Variants in SYTL2 observed in about 807,000 individuals in gnomAD.
The protein encoded by SYTL2 is synaptotagmin-like protein 2.
In SYTL2, 165 loss-of-function variants were observed where a neutral mutation model predicts 198.7. That is an observed-to-expected ratio of 0.83 (90% CI 0.73 to 0.94). The LOEUF (loss-of-function observed/expected upper bound fraction) is 0.94. SYTL2 is among the 40% of genes least tolerant of loss of function. The pLI is 0.00. For missense variants in SYTL2, 2,835 were observed against 2,582.8 expected (o/e 1.10, Z -2.12); for synonymous variants, 966 against 917.7 (o/e 1.05, Z -0.95).
intron 4 of SYTL2, among the ~76,000 whole-genome samples, chr11:85,745,127 T>C (rs2091062018): frequency 6.6e-6 from 1 of 152,250 alleles, no homozygotes; most frequent in African/African-American, 2.4e-5. Flanking sequence ...TGTTCCTAGC[T>C]ATAGTTAAGA....
intron 2 of SYTL2, among the ~76,000 whole-genome samples, chr11:85,755,220 AG>A (rs2091791041): frequency 6.6e-6 from 1 of 152,082 alleles, no homozygotes; most frequent in South Asian, 2.1e-4. Context: ...TAAAGCAAAG[AG>A]GGGGTCAGGC....
chr11:85,703,892 G>A (rs889917122), intron 16 of SYTL2, among the ~76,000 whole-genome samples: 6 of 152,010 alleles, frequency 3.9e-5, no homozygotes, highest in African/African-American at 1.4e-4. Flanking sequence ...TTGAATTCAA[G>A]GGTGCATATT....
Position 85,726,962 on chromosome 11 carries a change from C to T in SYTL2, c.2396G>A (p.Trp799Ter), listed in dbSNP as rs2089272703. ...CTTAGCACCAGCTTTCTCTCCTTCCCAAAAGGATATTCTGTCACTCACTCT... is the reference window on the plus strand; with the variant it reads ...CTTAGCACCAGCTTTCTCTCCTTCCTAAAAGGATATTCTGTCACTCACTCT... ...YKRVSDRISF[W>*]EGEKAGAKIT... is the part of the protein sequence containing the mutation. Residue 799 changes from tryptophan to a stop codon, truncating the protein, a stop_gained, in exon 8 of 20, where the codon TGG (tryptophan) becomes TAG (stop). Transcript: ENST00000359152. LOFTEE classifies it high-confidence loss of function. 2 of 1,536,596 alleles carry T rather than the reference C, an allele frequency of 1.3e-6. No homozygotes were observed. The highest frequency in any genetic ancestry group is 1.7e-6 in the Non-Finnish European group (2 of 1,146,988).
intron 1 of SYTL2, among the ~76,000 whole-genome samples, chr11:85,779,866 G>C (rs556997824): frequency 6.6e-6 from 1 of 152,318 alleles, no homozygotes; most frequent in Admixed American, 6.5e-5. Context: ...TAGAAAACTG[G>C]TGTGTACTAG....
chr11:85,710,913 ATTTG>A (rs1054882380), intron 13 of SYTL2, among the ~76,000 whole-genome samples, 196 bp downstream of exon 13: 7 of 152,120 alleles, frequency 4.6e-5, no homozygotes, highest in African/African-American at 1.4e-4. Context: ...CCCCACAAAG[ATTTG>A]TTTATGATGG....
At chr11:85,790,407 T>G (rs1380485706) in intron 1 of SYTL2, among the ~76,000 whole-genome samples, 1 of 152,222 alleles carries the variant, frequency 6.6e-6, no homozygotes, top group East Asian at 1.9e-4. Context: ...AACAAGTCAC[T>G]TAACATTTCT....
chr11:85,766,101 G>T (rs1026492243), intron 1 of SYTL2, among the ~76,000 whole-genome samples: 1 of 152,120 alleles, frequency 6.6e-6, no homozygotes, highest in South Asian at 2.1e-4. Context: ...GGGCAAGAGC[G>T]CTGGACCCTG....
chr11:85,789,836 G>A (rs976978275), intron 1 of SYTL2, among the ~76,000 whole-genome samples: 4 of 151,992 alleles, frequency 2.6e-5, no homozygotes, highest in African/African-American at 9.7e-5. Context: ...TTAGAGAGAA[G>A]GCCAAAGTTA....
rs1012272428 is a variant in SYTL2, at chr11:85,698,135, C to T, written c.6269-57G>A. On this transcript the variant is annotated intron_variant, in intron 17 of 19. Coordinates refer to ENST00000359152, the MANE Select transcript of SYTL2 (RefSeq NM_206927.4). The stretch of plus-strand genomic sequence containing the variant: ...TGCCAGTTCTCCCTTGGCAATACTG[C>T]GTCCAAAGATGTCAGCCTAAAAATG... The T allele has an allele frequency of 1.7e-5, 20 of 1,177,116 alleles. 1 individual carries two copies. The highest frequency in any genetic ancestry group is 1.2e-4 in the South Asian group (10 of 80,802). 72.9% of individuals were successfully genotyped at this position (1,177,116 alleles called of 1,614,324 possible).
At chr11:85,789,150 G>A (rs1475112922) in intron 1 of SYTL2, among the ~76,000 whole-genome samples, 1 of 149,716 alleles carries the variant, frequency 6.7e-6, no homozygotes, top group Non-Finnish European at 1.5e-5. Flanking sequence ...TCACTCTGTT[G>A]CCCAGGCACA....
chr11:85,721,056 T>A, intron 8 of SYTL2, 97 bp from the exon 9 acceptor site: 1 of 708,588 alleles, frequency 1.4e-6, no homozygotes, highest in Non-Finnish European at 2.4e-6. Context: ...AAAAGAGACA[T>A]TATGCTATGA....
the SYTL2 span, chr11:85,853,806 C>T: frequency 2.7e-5 from 4 of 150,550 alleles, no homozygotes; most frequent in South Asian, 2.1e-4. Flanking sequence ...AAAAAAATCT[C>T]GTTAAGCTGT....
chr11:85,816,617 A>G, the SYTL2 span, among the ~76,000 whole-genome samples: 4 of 152,192 alleles, frequency 2.6e-5, no homozygotes, highest in African/African-American at 4.8e-5. Flanking sequence ...ACATTTATAA[A>G]TGGTTAGAAT....
chr11:85,762,218 G>C (rs935304079), intron 1 of SYTL2, among the ~76,000 whole-genome samples: 1 of 152,152 alleles, frequency 6.6e-6, no homozygotes, highest in Non-Finnish European at 1.5e-5. Flanking sequence ...CAGTCAGAAC[G>C]GGGGCAACCT....
chr11:85,717,409 G>T (rs1212268046), intron 11 of SYTL2, 74 bp downstream of exon 11: 2 of 1,238,512 alleles, frequency 1.6e-6, no homozygotes, highest in Middle Eastern at 1.9e-4. Flanking sequence ...TTATTAATGG[G>T]GTTAGTTATT....
upstream of SYTL2, among the ~76,000 whole-genome samples, chr11:85,812,774 T>A (rs1026675716): frequency 1.5e-4 from 23 of 152,076 alleles, no homozygotes; most frequent in African/African-American, 4.6e-4. Context: ...AGGAGGTAGG[T>A]GGGCAGATGT....
intron 13 of SYTL2, among the ~76,000 whole-genome samples, chr11:85,710,175 A>C (rs191570257): frequency 3.3e-4 from 51 of 152,326 alleles, no homozygotes; most frequent in African/African-American, 1.2e-3. Context: ...CACTCTAATC[A>C]TAGTGACACA....
At chr11:85,772,508 G>C (rs967439477) in intron 1 of SYTL2, among the ~76,000 whole-genome samples, 10 of 152,236 alleles carry the variant, frequency 6.6e-5, no homozygotes, top group Admixed American at 5.9e-4. Context: ...ACTCTGCCCA[G>C]GCATTATGTC....
rs143282358 is a variant in SYTL2, at chr11:85,763,411, C to T, written c.-389-5297G>A. On this transcript the variant is annotated intron_variant, in intron 1 of 19. Transcript: ENST00000359152. The stretch of plus-strand genomic sequence containing the variant: ...AAACTAAGGCCCCACATAGTTGGTG[C>T]TTGCCTTTGATAGGCAGCAAAGAGT... 4.1e-3 allele frequency among the ~76,000 whole-genome samples: 620 copies of T among 152,316 alleles called. 6 individuals are homozygous for T. Among genetic ancestry groups the T allele is most frequent in the African/African-American group, 0.014 (591 of 41,562 alleles).
Sources: gnomAD v4.1 joint callset for allele counts (sites outside exome capture counted in the v4.1 genomes callset) on GRCh38, gnomAD v4.1.1 for gene constraint, MANE v1.5 for transcripts, NCBI Gene and HGNC (gene_info 2026-07-23, HGNC 2026-07-21) for gene names.